WDR27: variants seen among roughly 807,000 people sequenced by gnomAD.
The protein encoded by WDR27 is WD repeat-containing protein 27.
A neutral mutation model predicts 114.4 loss-of-function variants in WDR27; 100 were observed. That is an observed-to-expected ratio of 0.87 (90% CI 0.74 to 1.03). The LOEUF (loss-of-function observed/expected upper bound fraction) is 1.03. WDR27 is among the 50% of genes least tolerant of loss of function. WDR27 has a pLI of 0.00. For synonymous variants in WDR27, 449 were observed against 423.1 expected (o/e 1.06, Z -0.75); for missense variants, 1,129 against 1,092.9 (o/e 1.03, Z -0.47).
At chr6:169,647,059 C>T (rs879861107) in intron 16 of WDR27, among the ~76,000 whole-genome samples, 9 of 152,136 alleles carry the variant, frequency 5.9e-5, no homozygotes, top group African/African-American at 9.7e-5. Context: ...GGCAGGGGCA[C>T]AGCTTGCCTG....
At chr6:169,692,295 G>C (rs1279297846) in intron 1 of WDR27, among the ~76,000 whole-genome samples, 1 of 152,204 alleles carries the variant, frequency 6.6e-6, no homozygotes, top group Non-Finnish European at 1.5e-5. Flanking sequence ...AGAGGAATTA[G>C]GGAGAGGTCA....
chr6:169,452,674 G>C (rs1355138577), downstream of WDR27, among the ~76,000 whole-genome samples: 1 of 152,224 alleles, frequency 6.6e-6, no homozygotes, highest in Non-Finnish European at 1.5e-5. Flanking sequence ...AGTGGACAAA[G>C]CCAGGGCTGG....
At chr6:169,651,561 G>A (rs183918554) in intron 14 of WDR27, among the ~76,000 whole-genome samples, 3 of 152,256 alleles carry the variant, frequency 2.0e-5, no homozygotes, top group African/African-American at 7.2e-5. Flanking sequence ...CGGCAGAGCT[G>A]TGTTCTAAGA....
At chr6:169,670,768 G>C (rs552593809) in intron 3 of WDR27, 75 bp from the exon 4 acceptor site, 1 of 1,550,846 alleles carries the variant, frequency 6.4e-7, no homozygotes, top group Non-Finnish European at 8.8e-7. Context: ...AAAGTACTGA[G>C]AATGTAACCC....
intron 23 of WDR27, among the ~76,000 whole-genome samples, chr6:169,597,493 A>C (rs1225651950): frequency 6.6e-6 from 1 of 152,182 alleles, no homozygotes; most frequent in Non-Finnish European, 1.5e-5. Flanking sequence ...TCCTTACTAT[A>C]AACAGAGTTG....
intron 25 of WDR27, among the ~76,000 whole-genome samples, chr6:169,532,743 G>A (rs1051737372): frequency 5.9e-5 from 9 of 151,606 alleles, no homozygotes; most frequent in Non-Finnish European, 8.8e-5. Flanking sequence ...TCTTTTCATA[G>A]TTGGTTAACT....
At chr6:169,687,153 AC>A (rs1386765080) in intron 2 of WDR27, among the ~76,000 whole-genome samples, 1 of 152,206 alleles carries the variant, frequency 6.6e-6, no homozygotes, top group African/African-American at 2.4e-5. Context: ...TGTTACCAAC[AC>A]AATAAAAAGA....
In WDR27 at chr6:169,696,820, G is replaced by T. The variant is rs190970651; in HGVS notation, c.-8+4731C>A. Among the ~76,000 whole-genome samples, 10 of 152,234 alleles carry T rather than the reference G, an allele frequency of 6.6e-5. No homozygotes were observed. The East Asian group carries it at 1.9e-3, about 30-fold the overall frequency. ...TCCCAGCTACTTGGAAGGCTGAGGC[G>T]GGAGAATCACTTGAACCCGGGAGGC... On this transcript the variant is annotated intron_variant, in intron 1 of 25. Transcript: ENST00000448612.
intron 22 of WDR27, among the ~76,000 whole-genome samples, chr6:169,603,986 C>G (rs1808598710): frequency 6.6e-6 from 1 of 152,142 alleles, no homozygotes; most frequent in East Asian, 1.9e-4. Flanking sequence ...TTTATACCAT[C>G]AAATGCCTAT....
intron 25 of WDR27, among the ~76,000 whole-genome samples, chr6:169,524,160 A>C (rs1794702972): frequency 6.6e-6 from 1 of 152,184 alleles, no homozygotes; most frequent in Non-Finnish European, 1.5e-5. Context: ...CTTAAAAAGA[A>C]ATCAAGAAAG....
At chr6:169,503,768 T>G (rs995763661) in intron 25 of WDR27, among the ~76,000 whole-genome samples, 1 of 151,984 alleles carries the variant, frequency 6.6e-6, no homozygotes, top group Non-Finnish European at 1.5e-5. Flanking sequence ...TTTCTAGTCA[T>G]TAATACATCC....
intron 1 of WDR27, among the ~76,000 whole-genome samples, chr6:169,696,216 C>T (rs746905821): frequency 6.6e-6 from 1 of 152,188 alleles, no homozygotes; most frequent in Non-Finnish European, 1.5e-5. Context: ...TGTGTCCTAT[C>T]GGGACTGAAC....
intron 18 of WDR27, 45 bp from the exon 19 acceptor site, chr6:169,636,549 C>CA (rs1489190663): frequency 6.5e-7 from 1 of 1,535,964 alleles, no homozygotes; most frequent in African/African-American, 1.4e-5. Flanking sequence ...TAAATGTTAA[C>CA]AAAAACACTA....
At chr6:169,553,762 T>C (rs1053573141) in intron 25 of WDR27, among the ~76,000 whole-genome samples, 2 of 152,192 alleles carry the variant, frequency 1.3e-5, no homozygotes, top group South Asian at 4.1e-4. Flanking sequence ...CAGAACAAAC[T>C]GAAAATACTC....
chr6:169,467,533 C>G (rs1583599693), intron 25 of WDR27, among the ~76,000 whole-genome samples: 1 of 152,246 alleles, frequency 6.6e-6, no homozygotes, highest in Non-Finnish European at 1.5e-5. Flanking sequence ...GTGTAAGCTG[C>G]CAAGGCTTGG....
chr6:169,600,428 C>A (rs902959852), intron 23 of WDR27, among the ~76,000 whole-genome samples: 1 of 152,220 alleles, frequency 6.6e-6, no homozygotes, highest in African/African-American at 2.4e-5. Context: ...CAAAGGAATG[C>A]AGCTCCTCAC....
intron 21 of WDR27, among the ~76,000 whole-genome samples, chr6:169,624,132 T>C (rs200041947): frequency 3.5e-5 from 4 of 114,536 alleles, no homozygotes; most frequent in East Asian, 1.6e-3. Flanking sequence ...AGGTGTGTGG[T>C]GTCAGGTGTG....
rs1347612782 is a variant in WDR27, at chr6:169,602,331, G to A, written c.2322-10C>T. On this transcript the variant is annotated splice_polypyrimidine_tract_variant and intron_variant, in intron 22 of 25. Transcript: ENST00000448612. ...AAAGTGGCGCTCACACCTACAGGGA[G>A]GAAAGAAACACCAGGAGAAAAATCA... The A allele has an allele frequency of 1.9e-5, 28 of 1,492,800 alleles. No individual in the cohort carries two copies. The highest frequency in any genetic ancestry group is 2.3e-5 in the Non-Finnish European group (25 of 1,100,390). The allele number at this position is 1,492,800 out of a possible 1,614,324, so 92.5% of individuals were successfully genotyped here.
At chr6:169,634,407 A>C in intron 20 of WDR27, 21 bp downstream of exon 20, 1 of 1,565,610 alleles carries the variant, frequency 6.4e-7, no homozygotes, top group Non-Finnish European at 8.8e-7. Flanking sequence ...AAACCCTACC[A>C]GGATCCGGGA....
Sources: gnomAD v4.1 joint callset for allele counts (sites outside exome capture counted in the v4.1 genomes callset) on GRCh38, gnomAD v4.1.1 for gene constraint, MANE v1.5 for transcripts, NCBI Gene and HGNC (gene_info 2026-07-23, HGNC 2026-07-21) for gene names.